Variants in DNAH6 observed in about 807,000 individuals in gnomAD.
The protein encoded by DNAH6 is dynein axonemal heavy chain 6.
Under a neutral mutation model 491.4 loss-of-function variants are expected in DNAH6, and 340 were observed. The ratio of observed to expected loss-of-function variants is 0.69; its 90% CI spans 0.63 to 0.76. The LOEUF is 0.76. Ranked by LOEUF, DNAH6 falls within the 30% of genes least tolerant of loss-of-function variation. DNAH6 has a pLI of 0.00. For synonymous variants in DNAH6, 1,603 were observed against 1,686.1 expected (o/e 0.95, Z 1.21); for missense variants, 4,443 against 4,972.2 (o/e 0.89, Z 3.20).
At chr2:84,550,479 G>T (rs1376514209) in intron 9 of DNAH6, among the ~76,000 whole-genome samples, 1 of 152,194 alleles carries the variant, frequency 6.6e-6, no homozygotes, top group East Asian at 1.9e-4. Flanking sequence ...AAGGCCCGGG[G>T]ACTGGGGACC....
intron 70 of DNAH6, among the ~76,000 whole-genome samples, chr2:84,798,390 C>A (rs1678540075): frequency 6.6e-6 from 1 of 152,256 alleles, no homozygotes; most frequent in East Asian, 1.9e-4. Context: ...GTTCTTGTGA[C>A]CCCCACAGAC....
chr2:84,784,203 G>A (rs1341953192), intron 65 of DNAH6, among the ~76,000 whole-genome samples: 2 of 152,152 alleles, frequency 1.3e-5, no homozygotes, highest in Non-Finnish European at 2.9e-5. Flanking sequence ...ATCTCAGAAA[G>A]TAAGTGCATT....
intron 33 of DNAH6, among the ~76,000 whole-genome samples, chr2:84,645,735 G>A (rs547395909): frequency 7.2e-5 from 11 of 152,270 alleles, no homozygotes; most frequent in African/African-American, 2.6e-4. Flanking sequence ...AGACTTGGTT[G>A]AGCTCCTAGA....
At chr2:84,647,000 A>G (rs1689962896) in intron 33 of DNAH6, among the ~76,000 whole-genome samples, 1 of 152,058 alleles carries the variant, frequency 6.6e-6, no homozygotes, top group South Asian at 2.1e-4. Context: ...GGCACATGCC[A>G]CCACCCATGG....
chr2:84,694,480 G>A lies in DNAH6; in HGVS notation c.7524G>A (p.Gln2508=). ...KNMVFLFTDT[Q]IVVEEFLEDI... is the part of the protein sequence containing the mutation. The stretch of plus-strand genomic sequence containing the variant: ...TGGTTTTCCTTTTCACTGACACCCA[G>A]GTGTGTGTTTAAATAGCCCATGGGT... The change falls in exon 46 of 77, where the codon CAG becomes CAA. Residue 2508 remains glutamine (Q), a splice_region_variant and synonymous_variant. Transcript: ENST00000389394. 6.5e-7 allele frequency: 1 copy of A among 1,550,262 alleles called. No individual in the cohort carries two copies. The highest frequency in any genetic ancestry group is 1.2e-5 in the South Asian group (1 of 84,026).
At chr2:84,808,745 T>C (rs1679681683) in intron 72 of DNAH6, among the ~76,000 whole-genome samples, 1 of 152,248 alleles carries the variant, frequency 6.6e-6, no homozygotes, top group African/African-American at 2.4e-5. Flanking sequence ...GGAGTGAATA[T>C]GTAACATTAC....
Position 84,733,447 on chromosome 2 carries a change from C to T in DNAH6, c.10210C>T (p.Arg3404Cys), listed in dbSNP as rs1029045976. The change falls in exon 62 of 77, where the codon CGC becomes TGC. Residue 3404 changes from arginine (R) to cysteine (C), a missense_variant. Physicochemically the swap from Arg to Cys is radical, Grantham distance 180. Around this residue, in one of 3 missense-constraint regions of DNAH6, gnomAD observed 1,463 missense variants for 1,656.6 expected, o/e 0.88. Transcript: ENST00000389394. ...TTCATTTTCTGTCTTCAAACAGGAA[C>T]GCCCACCTAAGCCTGAAGCTCCCTG... Reference protein sequence around the residue: ...LRGSAGLEKERPPKPEAPWLP... With the variant: ...LRGSAGLEKECPPKPEAPWLP... 88 of 1,549,998 alleles carry T rather than the reference C, an allele frequency of 5.7e-5. 1 individual carries two copies. In the East Asian group the frequency reaches 1.4e-3, roughly 24 times the overall value.
chr2:84,739,816 C>T (rs751938505), intron 62 of DNAH6, among the ~76,000 whole-genome samples: 18 of 152,124 alleles, frequency 1.2e-4, no homozygotes, highest in Non-Finnish European at 2.2e-4. Flanking sequence ...TGTGGGATTT[C>T]AACTTTCTCC....
At chr2:84,727,069 A>G (rs1036019507) in intron 60 of DNAH6, among the ~76,000 whole-genome samples, 9 of 152,194 alleles carry the variant, frequency 5.9e-5, no homozygotes, top group Non-Finnish European at 1.2e-4. Context: ...ATCTTGGGGA[A>G]GTGCTAAGAA....
At chr2:84,774,932 A>G (rs1303145414) in intron 64 of DNAH6, among the ~76,000 whole-genome samples, 1 of 152,100 alleles carries the variant, frequency 6.6e-6, no homozygotes, top group Non-Finnish European at 1.5e-5. Flanking sequence ...TTCTAGTTAT[A>G]AAATCAAATG....
chr2:84,579,743 CAAGAAA>C, intron 14 of DNAH6, 64 bp downstream of exon 14: 2 of 1,400,564 alleles, frequency 1.4e-6, no homozygotes. Flanking sequence ...AGACATAGGA[CAAGAAA>C]AAGTGAAGGA....
chr2:84,756,967 T>G (rs1168351274), intron 63 of DNAH6, among the ~76,000 whole-genome samples: 2 of 152,100 alleles, frequency 1.3e-5, no homozygotes, highest in African/African-American at 4.8e-5. Flanking sequence ...AGAGAGGAGC[T>G]CCTAGCAAAG....
chr2:84,575,616 GGCTCAC>G (rs1467826998), intron 12 of DNAH6, among the ~76,000 whole-genome samples: 1 of 152,212 alleles, frequency 6.6e-6, no homozygotes, highest in African/African-American at 2.4e-5. Flanking sequence ...TCTCCGCGGT[GGCTCAC>G]GCCTGTAATC....
intron 70 of DNAH6, 34 bp from the exon 71 acceptor site, chr2:84,805,631 G>A: frequency 6.7e-7 from 1 of 1,483,610 alleles, no homozygotes. Flanking sequence ...GAGAATTTGA[G>A]TCTTCACTGT....
At chr2:84,793,511 A>G (rs1303493739) in intron 68 of DNAH6, among the ~76,000 whole-genome samples, 1 of 152,188 alleles carries the variant, frequency 6.6e-6, no homozygotes, top group Non-Finnish European at 1.5e-5. Flanking sequence ...CCCTGACATC[A>G]TCATGCAATT....
intron 11 of DNAH6, among the ~76,000 whole-genome samples, chr2:84,568,576 G>A (rs1212598549): frequency 1.3e-5 from 2 of 152,124 alleles, no homozygotes; most frequent in African/African-American, 4.8e-5. Flanking sequence ...TCTGTGGGGA[G>A]GGAGAACAAC....
intron 23 of DNAH6, among the ~76,000 whole-genome samples, chr2:84,618,588 G>A (rs1687102308): frequency 6.6e-6 from 1 of 150,470 alleles, no homozygotes; most frequent in South Asian, 2.1e-4. Flanking sequence ...AGGAACAGCA[G>A]TAAAAAGGAC....
chr2:84,647,431 G>C (rs1690008785), intron 33 of DNAH6, among the ~76,000 whole-genome samples: 1 of 152,142 alleles, frequency 6.6e-6, no homozygotes, highest in Non-Finnish European at 1.5e-5. Flanking sequence ...CTTTCATAGT[G>C]AAAAAGGAGA....
At chr2:84,786,996 C>T (rs1677263467) in intron 67 of DNAH6, among the ~76,000 whole-genome samples, 168 bp from the exon 68 acceptor site, 1 of 152,128 alleles carries the variant, frequency 6.6e-6, no homozygotes, top group African/African-American at 2.4e-5. Context: ...GGAAGAGGTG[C>T]TTTCTCTGTT....
Sources: allele counts gnomAD v4.1 joint callset (sites outside exome capture counted in the v4.1 genomes callset), GRCh38; gene constraint gnomAD v4.1.1; regional missense constraint gnomAD v4.1.1; transcripts MANE v1.5; gene names NCBI Gene and HGNC (gene_info 2026-07-23, HGNC 2026-07-21).